Variants in ANKRD42 observed in about 807,000 individuals in gnomAD.
ANKRD42 encodes the protein ankyrin repeat domain-containing protein 42.
A neutral mutation model predicts 51.5 loss-of-function variants in ANKRD42; 43 were observed. The ratio of observed to expected loss-of-function variants is 0.83; its 90% CI spans 0.65 to 1.08. The LOEUF (loss-of-function observed/expected upper bound fraction) is 1.08. Among genes scored for constraint, ANKRD42 ranks in the 50% least tolerant of loss-of-function variants. The pLI, the probability that ANKRD42 is intolerant of heterozygous loss-of-function variation, is 0.00. For synonymous variants in ANKRD42, 203 were observed against 213.0 expected (o/e 0.95, Z 0.41); for missense variants, 608 against 629.3 (o/e 0.97, Z 0.36).
At chr11:83,208,212 T>TGGGG (rs1554992613) in intron 3 of ANKRD42, among the ~76,000 whole-genome samples, 4 of 150,588 alleles carry the variant, frequency 2.7e-5, no homozygotes, top group African/African-American at 1.0e-4. Context: ...GAGATGTCTG[T>TGGGG]GGGAGGGGGG....
intron 8 of ANKRD42, among the ~76,000 whole-genome samples, 172 bp from the exon 9 acceptor site, chr11:83,240,587 T>G (rs1863356103): frequency 6.6e-6 from 1 of 152,212 alleles, no homozygotes; most frequent in African/African-American, 2.4e-5. Context: ...CTGAGTTTCT[T>G]ACATAGTTGA....
intron 6 of ANKRD42, among the ~76,000 whole-genome samples, chr11:83,226,429 CA>C (rs1483515826): frequency 5.9e-5 from 9 of 151,962 alleles, no homozygotes; most frequent in Non-Finnish European, 1.0e-4. Flanking sequence ...ACTTGGTTAC[CA>C]AAGAATTCAT....
At chr11:83,205,211 T>A (rs181569607) in intron 2 of ANKRD42, among the ~76,000 whole-genome samples, 224 of 152,360 alleles carry the variant, frequency 1.5e-3, no homozygotes, top group African/African-American at 5.1e-3. Flanking sequence ...CGACAGTGGC[T>A]TTATTCTCTA....
intron 8 of ANKRD42, among the ~76,000 whole-genome samples, chr11:83,237,263 G>A (rs1478056849): frequency 3.3e-5 from 5 of 152,042 alleles, no homozygotes; most frequent in African/African-American, 7.2e-5. Flanking sequence ...GGTACACTAA[G>A]AATATAGAAA....
chr11:83,209,251 T>C (rs1310817135), intron 3 of ANKRD42: 8 of 620,966 alleles, frequency 1.3e-5, no homozygotes, highest in Non-Finnish European at 2.9e-6. Flanking sequence ...ATATACATGC[T>C]CAAATCAGAA....
At chr11:83,195,282 CGTCT>C (rs1339524629) in intron 1 of ANKRD42, among the ~76,000 whole-genome samples, 1 of 152,128 alleles carries the variant, frequency 6.6e-6, no homozygotes, top group Non-Finnish European at 1.5e-5. Context: ...CTTTGTGCTC[CGTCT>C]TAAGGAACTT....
At chr11:83,210,127 T>A in intron 3 of ANKRD42, 173 bp from the exon 4 acceptor site, 1 of 558,278 alleles carries the variant, frequency 1.8e-6, no homozygotes, top group Non-Finnish European at 2.9e-6. Flanking sequence ...AAACAAACAT[T>A]TTCTTAGCAT....
At chr11:83,194,764 T>TATTCCTTTTCTC in intron 1 of ANKRD42, 36 bp downstream of exon 1, 1 of 1,535,152 alleles carries the variant, frequency 6.5e-7, no homozygotes, top group African/African-American at 1.4e-5. Flanking sequence ...ATCTCTGTCG[T>TATTCCTTTTCTC]ATTCCTTTTC....
chr11:83,244,091 C>CTTGAG (rs1368601965), intron 9 of ANKRD42, among the ~76,000 whole-genome samples: 2 of 147,616 alleles, frequency 1.4e-5, no homozygotes, highest in East Asian at 4.1e-4. Flanking sequence ...AAGTGGTACT[C>CTTGAG]CTGCCTCAGC....
chr11:83,242,342 A>G (rs1208264289), intron 9 of ANKRD42, among the ~76,000 whole-genome samples: 1 of 152,150 alleles, frequency 6.6e-6, no homozygotes, highest in Non-Finnish European at 1.5e-5. Context: ...GAGTGGAAGC[A>G]GGGAAATCAG....
rs1194431860 is a variant in ANKRD42, at chr11:83,227,853, A to T, written c.894A>T (p.Gly298=). 3 of 1,609,898 alleles carry T rather than the reference A, an allele frequency of 1.9e-6. No homozygotes were observed. Among genetic ancestry groups the T allele is most frequent in the Non-Finnish European group, 1.7e-6 (2 of 1,178,828 alleles). The change falls in exon 7 of 11, where the codon GGA becomes GGT. Residue 298 remains glycine, a synonymous_variant. Coordinates refer to ENST00000533342, the MANE Select transcript of ANKRD42 (RefSeq NM_001300975.2). The stretch of plus-strand genomic sequence containing the variant: ...ATATTAATGAGCGTGCTGATAATGG[A>T]TCAACTCCTATGCATAAAGGTGAGT... ...VININERADN[G]STPMHKAAGQ...
In ANKRD42 at chr11:83,213,662, G is replaced by A. The variant is rs77155398; in HGVS notation, c.586+2232G>A. The A allele has an allele frequency of 5.8e-3, 4,498 of 770,814 alleles. 153 individuals carry two copies. In the African/African-American group the frequency reaches 0.07, roughly 12 times the overall value. 47.7% of individuals were successfully genotyped at this position (770,814 alleles called of 1,614,324 possible). A position where few individuals can be genotyped will look rare whatever the true frequency, so the allele number is the denominator to read the frequency against. On this transcript the variant is annotated intron_variant, in intron 5 of 10. Transcript: ENST00000533342. ...TGAACATCATTTCGTACGTTTAAAG[G>A]CTATTTGGTTTTTTTGTGTGTGTGA...
At chr11:83,223,087 T>C (rs1308090490) in intron 5 of ANKRD42, among the ~76,000 whole-genome samples, 2 of 152,052 alleles carry the variant, frequency 1.3e-5, no homozygotes, top group African/African-American at 4.8e-5. Flanking sequence ...CCGTCTCTAC[T>C]AAAAATACAA....
chr11:83,205,203 A>G (rs1352115152), intron 2 of ANKRD42, among the ~76,000 whole-genome samples: 3 of 152,240 alleles, frequency 2.0e-5, no homozygotes, highest in Non-Finnish European at 4.4e-5. Flanking sequence ...ATGAATGTCG[A>G]CAGTGGCTTT....
downstream of ANKRD42, among the ~76,000 whole-genome samples, chr11:83,256,548 T>A (rs147765769): frequency 2.7e-3 from 417 of 152,286 alleles, 3 homozygotes; most frequent in African/African-American, 9.4e-3. Flanking sequence ...TCTTTTTTCC[T>A]ACCCCCCTCT....
At chr11:83,245,693 A>G (rs1240491519) in intron 10 of ANKRD42, 69 bp downstream of exon 10, 1 of 1,442,572 alleles carries the variant, frequency 6.9e-7, no homozygotes, top group Non-Finnish European at 9.2e-7. Context: ...GGGTTTGTTG[A>G]TCAGCAACTT....
At chr11:83,260,810 GAA>G (rs1440990378), downstream of ANKRD42, 1 of 152,004 alleles carries the variant, frequency 6.6e-6, no homozygotes, top group East Asian at 1.9e-4. Context: ...TACTTTGTAA[GAA>G]AAAATATATC....
chr11:83,245,556 C>T lies in ANKRD42; in HGVS notation c.1254C>T (p.Asn418=). ...ACCTCCTGGAAATTGCCGAGAGCAA[C>T]TATAAACACTTGGGAGGCATAACAG... is the stretch of plus-strand genomic sequence containing the variant. ...LRHLLEIAES[N]YKHLGGITEE... is the part of the protein sequence containing the mutation. The change falls in exon 10 of 11, where the codon AAC becomes AAT. Residue 418 remains asparagine, a synonymous_variant. Coordinates refer to ENST00000533342, the MANE Select transcript of ANKRD42 (RefSeq NM_001300975.2). The T allele has an allele frequency of 6.5e-7, 1 of 1,536,604 alleles. No homozygotes were observed. Among genetic ancestry groups the T allele is most frequent in the Non-Finnish European group, 8.7e-7 (1 of 1,146,994 alleles).
chr11:83,245,601 G>C lies in ANKRD42; in HGVS notation c.1299G>C (p.Lys433Asn). The C allele has an allele frequency of 6.5e-7, 1 of 1,536,416 alleles. No individual in the cohort carries two copies. Among genetic ancestry groups the C allele is most frequent in the South Asian group, 1.2e-5 (1 of 84,040 alleles). ...GGITEEDLKQKKEQLESEKTI... is the reference protein window; with the variant it reads ...GGITEEDLKQNKEQLESEKTI... The stretch of plus-strand genomic sequence containing the variant: ...TAACAGAAGAAGATTTAAAGCAGAA[G>C]AAAGAACAGCTTGAGTCTGAAAAGT... The change falls in exon 10 of 11, where the codon AAG (lysine) becomes AAC (asparagine). Residue 433 changes from lysine (K) to asparagine (N), a missense_variant. Lys to Asn is a moderately conservative substitution (Grantham distance 94). Transcript: ENST00000533342.
Sources: gnomAD v4.1 joint callset for allele counts (sites outside exome capture counted in the v4.1 genomes callset) on GRCh38, gnomAD v4.1.1 for gene constraint, MANE v1.5 for transcripts, NCBI Gene and HGNC (gene_info 2026-07-23, HGNC 2026-07-21) for gene names.